The following SLC2A5 variants were observed in gnomAD, a reference collection of about 807,000 sequenced individuals.
SLC2A5 encodes the protein solute carrier family 2, facilitated glucose transporter member 5.
Under a neutral mutation model 50.3 loss-of-function variants are expected in SLC2A5, and 56 were observed. The observed-to-expected ratio is 1.11, with a 90% CI of 0.90 to 1.39. The LOEUF is 1.39. SLC2A5 is among the 40% of genes most tolerant of loss of function. SLC2A5 has a pLI of 0.00. For synonymous variants in SLC2A5, 269 were observed against 281.9 expected, an observed-to-expected ratio of 0.95 and a Z score of 0.46; for missense variants, 566 against 650.1, an observed-to-expected ratio of 0.87 and a Z score of 1.41.
upstream of SLC2A5, among the ~76,000 whole-genome samples, chr1:9,089,890 C>T (rs1358589292): frequency 6.6e-6 from 1 of 152,192 alleles, no homozygotes; most frequent in African/African-American, 2.4e-5. Flanking sequence ...TCTTCACCCC[C>T]ACATCTAGTG....
chr1:9,065,633 C>T (rs1407573859), intron 1 of SLC2A5, among the ~76,000 whole-genome samples: 8 of 152,136 alleles, frequency 5.3e-5, no homozygotes, highest in African/African-American at 1.2e-4. Context: ...AGTGTGGGCT[C>T]GAAGCCTGGC....
intron 2 of SLC2A5, among the ~76,000 whole-genome samples, chr1:9,078,507 G>A (rs534493973): frequency 1.2e-4 from 19 of 152,064 alleles, no homozygotes; most frequent in Non-Finnish European, 1.8e-4. Context: ...ACAGCGCTTG[G>A]GTGATGGGTG....
At chr1:9,051,993 A>G (rs1454000847) in intron 3 of SLC2A5, among the ~76,000 whole-genome samples, 1 of 152,222 alleles carries the variant, frequency 6.6e-6, no homozygotes, top group East Asian at 1.9e-4. Context: ...TTAGTAAAAG[A>G]GGCCAATCTG....
At chr1:9,038,405 C>A in intron 10 of SLC2A5, 26 bp downstream of exon 10, 1 of 1,586,524 alleles carries the variant, frequency 6.3e-7, no homozygotes, top group Non-Finnish European at 8.7e-7. Flanking sequence ...GGTTGTGACA[C>A]CCTGAGGCCA....
chr1:9,073,762 GT>G (rs1642250681), upstream of SLC2A5, among the ~76,000 whole-genome samples: 1 of 152,208 alleles, frequency 6.6e-6, no homozygotes, highest in African/African-American at 2.4e-5. Context: ...CTTCTGTACT[GT>G]GAGTTAGTTA....
chr1:9,080,332 G>A (rs1642338243), intron 2 of SLC2A5, among the ~76,000 whole-genome samples: 2 of 152,220 alleles, frequency 1.3e-5, no homozygotes, highest in African/African-American at 4.8e-5. Flanking sequence ...ATACCCAGAA[G>A]TGGGATCACT....
In SLC2A5 at chr1:9,068,189, C is replaced by CAAAAAAA. The variant is rs755203801; in HGVS notation, c.33+1308_33+1314dup. ...TGGGTGACAGAGCAAGACTCTGTGT[C>CAAAAAAA]AAAAAAAAAAAAAAAAAAAAGCGAG... is the stretch of plus-strand genomic sequence containing the variant. On this transcript the variant is annotated intron_variant, in intron 1 of 11. Coordinates refer to ENST00000377424, the MANE Select transcript of SLC2A5 (RefSeq NM_003039.3). Among the ~76,000 whole-genome samples, 149 of 77,072 alleles carry CAAAAAAA rather than the reference C, an allele frequency of 1.9e-3. 5 individuals carry two copies. The highest frequency in any genetic ancestry group is 6.7e-3 in the African/African-American group (138 of 20,482). 50.6% of individuals were successfully genotyped at this position (77,072 alleles called of 152,430 possible). A position where few individuals can be genotyped will look rare whatever the true frequency, so the allele number is the denominator to read the frequency against.
chr1:9,036,135 A>G lies in SLC2A5; in HGVS notation c.*1451T>C, dbSNP rs1047120877. On this transcript the variant is annotated 3_prime_UTR_variant, in exon 12 of 12. Transcript: ENST00000377424. ...AGATTTTAAGACTCCTCAAGATTTC[A>G]TTACATATGTGAGGACATTTGGAAG... is the stretch of plus-strand genomic sequence containing the variant. 9.9e-5 allele frequency: 15 copies of G among 152,140 alleles called. No homozygotes were observed. The highest frequency in any genetic ancestry group is 3.6e-4 in the African/African-American group (15 of 41,410). 9.4% of individuals were successfully genotyped at this position (152,140 alleles called of 1,614,324 possible). A position where few individuals can be genotyped will look rare whatever the true frequency, so the allele number is the denominator to read the frequency against.
chr1:9,056,761 C>T (rs1641763722), intron 3 of SLC2A5, among the ~76,000 whole-genome samples: 1 of 152,172 alleles, frequency 6.6e-6, no homozygotes, highest in East Asian at 1.9e-4. Flanking sequence ...AGATACAGCC[C>T]TGACCCCTTT....
At chr1:9,070,657 C>T (rs1642194943), upstream of SLC2A5, among the ~76,000 whole-genome samples, 1 of 152,188 alleles carries the variant, frequency 6.6e-6, no homozygotes, top group South Asian at 2.1e-4. Context: ...ACAGAACATA[C>T]TCCCAGTTCT....
chr1:9,054,693 G>A (rs901100995), intron 3 of SLC2A5, among the ~76,000 whole-genome samples: 1 of 152,178 alleles, frequency 6.6e-6, no homozygotes, highest in African/African-American at 2.4e-5. Flanking sequence ...GGGAGGCCAA[G>A]GTGGGAGGAT....
At chr1:9,076,369 T>C (rs1327983997) in intron 2 of SLC2A5, among the ~76,000 whole-genome samples, 6 of 152,188 alleles carry the variant, frequency 3.9e-5, no homozygotes, top group African/African-American at 2.4e-5. Flanking sequence ...CTAGCTGCTG[T>C]GCTTATCAAG....
chr1:9,056,696 G>A (rs1557672711), intron 3 of SLC2A5, among the ~76,000 whole-genome samples: 1 of 152,096 alleles, frequency 6.6e-6, no homozygotes, highest in Admixed American at 6.6e-5. Context: ...ACATCTTAAG[G>A]ACACTTTTTT....
At chr1:9,057,210 T>A (rs1480143636) in intron 3 of SLC2A5, among the ~76,000 whole-genome samples, 1 of 147,448 alleles carries the variant, frequency 6.8e-6, no homozygotes, top group Non-Finnish European at 1.5e-5. Context: ...CGCTTGAACC[T>A]GGGAGGCGGA....
chr1:9,054,043 GAATT>G (rs1349145677), intron 3 of SLC2A5, among the ~76,000 whole-genome samples: 1 of 152,060 alleles, frequency 6.6e-6, no homozygotes, highest in Non-Finnish European at 1.5e-5. Flanking sequence ...TCCGAAGAGA[GAATT>G]AATGAATAGG....
chr1:9,070,596 C>G (rs76687672), upstream of SLC2A5, among the ~76,000 whole-genome samples: 1,736 of 152,272 alleles, frequency 0.011, 31 homozygotes, highest in African/African-American at 0.04. Context: ...GGCACACCAG[C>G]GCAAGTGGCC....
At chr1:9,082,853 T>C (rs1642368732) in intron 2 of SLC2A5, 1 of 373,650 alleles carries the variant, frequency 2.7e-6, no homozygotes, top group Admixed American at 3.6e-5. Flanking sequence ...AGCAGTTCGA[T>C]GATCATGTAT....
At chr1:9,052,028 G>A (rs372939735) in intron 3 of SLC2A5, among the ~76,000 whole-genome samples, 6 of 152,228 alleles carry the variant, frequency 3.9e-5, no homozygotes, top group African/African-American at 2.4e-5. Flanking sequence ...GCTCACGCCT[G>A]TAATCCCAGC....
chr1:9,091,393 C>G (rs1252104334), upstream of SLC2A5, among the ~76,000 whole-genome samples: 1 of 152,156 alleles, frequency 6.6e-6, no homozygotes, highest in East Asian at 1.9e-4. Context: ...ACAACTGGAC[C>G]CCGTTTATAA....
Sources: allele counts gnomAD v4.1 joint callset (sites outside exome capture counted in the v4.1 genomes callset), GRCh38; gene constraint gnomAD v4.1.1; transcripts MANE v1.5; gene names NCBI Gene and HGNC (gene_info 2026-07-23, HGNC 2026-07-21).